Variants in PDS5A observed in about 807,000 individuals in gnomAD.
The protein encoded by PDS5A is sister chromatid cohesion protein PDS5 homolog A.
Under a neutral mutation model 167.1 loss-of-function variants are expected in PDS5A, and 42 were observed. That is an observed-to-expected ratio of 0.25 (90% CI 0.20 to 0.33). The LOEUF (loss-of-function observed/expected upper bound fraction) is 0.33. PDS5A is among the 10% of genes least tolerant of loss of function. The pLI, the probability that PDS5A is intolerant of heterozygous loss-of-function variation, is 1.00. For missense variants in PDS5A, 1,033 were observed against 1,605.9 expected, an observed-to-expected ratio of 0.64 and a Z score of 6.10; for synonymous variants, 553 against 554.6, an observed-to-expected ratio of 1.00 and a Z score of 0.04.
chr4:39,962,629 C>A (rs1197662248), intron 2 of PDS5A, among the ~76,000 whole-genome samples: 5 of 151,622 alleles, frequency 3.3e-5, no homozygotes, highest in African/African-American at 1.2e-4. Context: ...CATGGTGAAA[C>A]CCCGTCTCTA....
intron 32 of PDS5A, chr4:39,837,031 C>T (rs1245068611): frequency 7.0e-6 from 1 of 143,636 alleles, no homozygotes; most frequent in African/African-American, 2.6e-5. Context: ...GGGGTTTCAC[C>T]ATGTTGGTCA....
intron 26 of PDS5A, among the ~76,000 whole-genome samples, chr4:39,855,697 T>C (rs1210069632): frequency 3.3e-5 from 5 of 151,960 alleles, no homozygotes; most frequent in African/African-American, 1.2e-4. Context: ...CAGCTGAAAT[T>C]AAAAATTCAC....
chr4:39,888,241 CAAAA>C (rs34845975), intron 17 of PDS5A, among the ~76,000 whole-genome samples: 1 of 56,264 alleles, frequency 1.8e-5, no homozygotes, highest in South Asian at 7.1e-4. Context: ...AAGACTCCGG[CAAAA>C]AAAAAAAAAA....
intron 19 of PDS5A, among the ~76,000 whole-genome samples, chr4:39,876,148 T>C (rs370258027): frequency 1.3e-5 from 2 of 152,074 alleles, no homozygotes; most frequent in African/African-American, 4.8e-5. Flanking sequence ...CTTGAAAAAA[T>C]GTATAGGATT....
At chr4:39,962,269 G>A (rs926796917) in intron 2 of PDS5A, among the ~76,000 whole-genome samples, 2 of 151,604 alleles carry the variant, frequency 1.3e-5, no homozygotes, top group African/African-American at 4.8e-5. Flanking sequence ...TGTTAGCCAG[G>A]ATGGTCTTGA....
chr4:39,919,231 A>C (rs1322041350), intron 7 of PDS5A, among the ~76,000 whole-genome samples: 1 of 124,544 alleles, frequency 8.0e-6, no homozygotes, highest in Admixed American at 7.7e-5. Context: ...AAAGGAAAGA[A>C]ACACTGAAAA....
At position 39,973,196 on chromosome 4, in the gene PDS5A, G is replaced by GT. The variant is rs1274582580; in HGVS notation, c.138+3243dup. ...GTAGCCTCTTTAGCTTGGTGGGCTT[G>GT]TAATATAGCTAGCTTCATGAACCTT... On this transcript the variant is annotated intron_variant, in intron 2 of 32. Transcript: ENST00000303538. 2.5e-6 allele frequency: 3 copies of GT among 1,220,016 alleles called. No individual in the cohort carries two copies. In the African/African-American group the frequency reaches 4.4e-5, roughly 18 times the overall value. The allele number at this position is 1,220,016 out of a possible 1,614,324, so 75.6% of individuals were successfully genotyped here. A position where few individuals can be genotyped will look rare whatever the true frequency, so the allele number is the denominator to read the frequency against.
intron 17 of PDS5A, among the ~76,000 whole-genome samples, chr4:39,882,101 G>C (rs1720984607): frequency 6.6e-6 from 1 of 152,108 alleles, no homozygotes; most frequent in East Asian, 1.9e-4. Context: ...AAATTACCCA[G>C]TCTGGGTGAC....
chr4:39,841,806 G>A lies in PDS5A; in HGVS notation c.3657+142C>T, dbSNP rs934210861. ...GGGAAGTATAGCCGGGGTGCGGGAA[G>A]CGGGGAGAAGGTGTGTGGTAATACA... On this transcript the variant is annotated intron_variant, in intron 31 of 32. Transcript: ENST00000303538. 3 of 572,998 alleles carry A rather than the reference G, an allele frequency of 5.2e-6. No homozygotes were observed. The East Asian group carries it at 8.9e-5, about 17-fold the overall frequency. 35.5% of individuals were successfully genotyped at this position (572,998 alleles called of 1,614,324 possible). A position where few individuals can be genotyped will look rare whatever the true frequency, so the allele number is the denominator to read the frequency against.
At chr4:39,896,233 CG>C (rs956648775) in intron 16 of PDS5A, among the ~76,000 whole-genome samples, 1 of 149,792 alleles carries the variant, frequency 6.7e-6, no homozygotes, top group African/African-American at 2.5e-5. Flanking sequence ...TTTGTAGAGG[CG>C]GGGGTTTTGA....
At chr4:39,954,382 G>A (rs941463412) in intron 2 of PDS5A, among the ~76,000 whole-genome samples, 5 of 151,648 alleles carry the variant, frequency 3.3e-5, no homozygotes, top group African/African-American at 7.3e-5. Flanking sequence ...AACATGCCAC[G>A]ATCTCAGCTC....
chr4:39,865,141 T>C (rs529429901), intron 23 of PDS5A, among the ~76,000 whole-genome samples: 112 of 152,312 alleles, frequency 7.4e-4, no homozygotes, highest in African/African-American at 2.6e-3. Context: ...TTTTTTTTCT[T>C]TCTGATTTGT....
intron 26 of PDS5A, among the ~76,000 whole-genome samples, chr4:39,852,413 T>G (rs1718194330): frequency 6.6e-6 from 1 of 152,220 alleles, no homozygotes; most frequent in Non-Finnish European, 1.5e-5. Context: ...ATCCTCTGCT[T>G]CTTCTTGCCT....
intron 32 of PDS5A, among the ~76,000 whole-genome samples, chr4:39,836,810 CTTTT>C (rs35685046): frequency 7.8e-6 from 1 of 128,830 alleles, no homozygotes; most frequent in Non-Finnish European, 1.6e-5. Flanking sequence ...GCTTCAGTAA[CTTTT>C]TTTTTTTTTT....
intron 21 of PDS5A, among the ~76,000 whole-genome samples, chr4:39,872,208 C>T (rs575283037): frequency 1.4e-4 from 19 of 132,650 alleles, no homozygotes; most frequent in Non-Finnish European, 2.7e-4. Flanking sequence ...CAGAGTTTCG[C>T]TCTTGTTGTC....
At chr4:39,966,604 T>C (rs988737067) in intron 2 of PDS5A, among the ~76,000 whole-genome samples, 4 of 152,256 alleles carry the variant, frequency 2.6e-5, no homozygotes, top group Non-Finnish European at 4.4e-5. Context: ...TAGGTATTTT[T>C]ATTTGTTTCT....
intron 6 of PDS5A, among the ~76,000 whole-genome samples, chr4:39,920,748 C>G (rs895544873): frequency 6.6e-6 from 1 of 152,312 alleles, no homozygotes; most frequent in Non-Finnish European, 1.5e-5. Context: ...ACCCACGTAT[C>G]TTAAACACAT....
At chr4:39,892,745 G>GT (rs1722082603) in intron 16 of PDS5A, among the ~76,000 whole-genome samples, 1 of 152,200 alleles carries the variant, frequency 6.6e-6, no homozygotes, top group Non-Finnish European at 1.5e-5. Flanking sequence ...GCATATCCAG[G>GT]TAACTAGGTA....
At chr4:39,853,040 T>G (rs930188001) in intron 26 of PDS5A, among the ~76,000 whole-genome samples, 33 of 147,682 alleles carry the variant, frequency 2.2e-4, no homozygotes, top group Non-Finnish European at 4.9e-4. Context: ...CAGCAGGGAC[T>G]GAGTAGCTGG....
Sources: allele counts gnomAD v4.1 joint callset (sites outside exome capture counted in the v4.1 genomes callset), GRCh38; gene constraint gnomAD v4.1.1; transcripts MANE v1.5; gene names NCBI Gene and HGNC (gene_info 2026-07-23, HGNC 2026-07-21).